Variants in EXOC4 observed in about 807,000 individuals in gnomAD.
The protein encoded by EXOC4 is exocyst complex component 4.
A neutral mutation model predicts 107.2 loss-of-function variants in EXOC4; 71 were observed. The ratio of observed to expected loss-of-function variants is 0.66; its 90% CI spans 0.55 to 0.81. The LOEUF is 0.81. Ranked by LOEUF, EXOC4 falls within the 30% of genes least tolerant of loss-of-function variation. The pLI is 0.00. For synonymous variants in EXOC4, 456 were observed against 441.2 expected, an observed-to-expected ratio of 1.03 and a Z score of -0.42; for missense variants, 1,108 against 1,189.6, an observed-to-expected ratio of 0.93 and a Z score of 1.01.
chr7:133,777,378 TCA>T (rs1275361741), intron 10 of EXOC4, among the ~76,000 whole-genome samples: 3 of 152,116 alleles, frequency 2.0e-5, no homozygotes, highest in Non-Finnish European at 4.4e-5. Context: ...GAAGAAATTA[TCA>T]GGAAACGTTG....
At chr7:133,606,972 C>T (rs1374707561) in intron 9 of EXOC4, among the ~76,000 whole-genome samples, 1 of 152,142 alleles carries the variant, frequency 6.6e-6, no homozygotes, top group Non-Finnish European at 1.5e-5. Context: ...CATTTATAGA[C>T]CCTAGGATTG....
intron 1 of EXOC4, among the ~76,000 whole-genome samples, chr7:133,266,708 T>C (rs542791614): frequency 6.6e-6 from 1 of 152,240 alleles, no homozygotes; most frequent in Non-Finnish European, 1.5e-5. Context: ...GAATTGAGTT[T>C]TAATGTTATG....
At chr7:133,681,537 T>A (rs1794186903) in intron 10 of EXOC4, among the ~76,000 whole-genome samples, 1 of 152,214 alleles carries the variant, frequency 6.6e-6, no homozygotes, top group South Asian at 2.1e-4. Context: ...TTACATTCAA[T>A]GTTGTTAGTA....
At chr7:133,708,861 C>T (rs1021439295) in intron 10 of EXOC4, among the ~76,000 whole-genome samples, 2 of 152,194 alleles carry the variant, frequency 1.3e-5, no homozygotes, top group Admixed American at 6.5e-5. Flanking sequence ...GTTGGTCTGA[C>T]CCCATGGATC....
intron 7 of EXOC4, among the ~76,000 whole-genome samples, chr7:133,438,828 T>G (rs1798035683): frequency 6.6e-6 from 1 of 152,232 alleles, no homozygotes; most frequent in East Asian, 1.9e-4. Context: ...TTCCTGATCT[T>G]GCAGTGCTTA....
In EXOC4 at chr7:133,372,509, C is replaced by T. The variant is rs182564729; in HGVS notation, c.1008-2319C>T. ...GCTATTTCCAAGATGTTAATAGATA[C>T]TGTGAATCTCATCTTACACCTCTAT... On this transcript the variant is annotated intron_variant, in intron 6 of 17. Transcript: ENST00000253861. Among the ~76,000 whole-genome samples, 18 of 152,178 alleles carry T rather than the reference C, an allele frequency of 1.2e-4. No homozygotes were observed. The East Asian group carries it at 3.5e-3, about 29-fold the overall frequency.
chr7:133,681,381 A>AT (rs1794183456), intron 10 of EXOC4, among the ~76,000 whole-genome samples: 1 of 5,656 alleles, frequency 1.8e-4, no homozygotes, highest in Non-Finnish European at 1.9e-3. Context: ...CTTCAAGGGC[A>AT]ATTTTTTTTT....
At chr7:134,047,567 C>T (rs1795686272) in intron 17 of EXOC4, among the ~76,000 whole-genome samples, 1 of 152,104 alleles carries the variant, frequency 6.6e-6, no homozygotes, top group African/African-American at 2.4e-5. Flanking sequence ...AATGTAAACT[C>T]CTGCTATGTA....
chr7:133,772,006 A>G (rs1176656985), intron 10 of EXOC4, among the ~76,000 whole-genome samples: 1 of 151,986 alleles, frequency 6.6e-6, no homozygotes, highest in Non-Finnish European at 1.5e-5. Context: ...AGTTAATTAG[A>G]TACTGTCTGC....
At chr7:133,458,863 A>T (rs1040016277) in intron 7 of EXOC4, among the ~76,000 whole-genome samples, 2 of 46,166 alleles carry the variant, frequency 4.3e-5, no homozygotes, top group African/African-American at 7.5e-5. Flanking sequence ...CCTCCCTCCC[A>T]CCCCCACACC....
intron 9 of EXOC4, among the ~76,000 whole-genome samples, chr7:133,586,455 A>G (rs958452021): frequency 4.6e-5 from 7 of 152,020 alleles, no homozygotes; most frequent in African/African-American, 1.7e-4. Flanking sequence ...TTTTATTTTT[A>G]ATGGCTGCAT....
chr7:133,626,379 C>CA (rs1802456395), intron 9 of EXOC4, among the ~76,000 whole-genome samples: 1 of 152,094 alleles, frequency 6.6e-6, no homozygotes, highest in Non-Finnish European at 1.5e-5. Flanking sequence ...TTGTTTCTGA[C>CA]AGCTTGATTT....
intron 12 of EXOC4, among the ~76,000 whole-genome samples, chr7:133,897,009 G>T (rs1156308730): frequency 1.3e-5 from 2 of 149,246 alleles, no homozygotes; most frequent in East Asian, 3.9e-4. Context: ...AGTTTGACTG[G>T]AACAGAGTTC....
At chr7:133,938,534 A>G (rs148471320) in intron 14 of EXOC4, among the ~76,000 whole-genome samples, 20 of 152,334 alleles carry the variant, frequency 1.3e-4, no homozygotes, top group African/African-American at 4.8e-4. Context: ...AATAGAGTCA[A>G]TGAAGACAAC....
intron 1 of EXOC4, among the ~76,000 whole-genome samples, chr7:133,270,348 T>A (rs1562995875): frequency 6.6e-6 from 1 of 152,162 alleles, no homozygotes; most frequent in Non-Finnish European, 1.5e-5. Context: ...ATAAATTAAT[T>A]ATTATGTGTA....
chr7:133,694,259 C>CAAA (rs10591090), intron 10 of EXOC4, among the ~76,000 whole-genome samples: 1 of 120,180 alleles, frequency 8.3e-6, no homozygotes, highest in Admixed American at 8.2e-5. Flanking sequence ...GATTCCTTCT[C>CAAA]AAAAAAAAAA....
chr7:133,671,745 G>A (rs1038200698), intron 10 of EXOC4, among the ~76,000 whole-genome samples: 1 of 152,110 alleles, frequency 6.6e-6, no homozygotes, highest in African/African-American at 2.4e-5. Context: ...ATTTGCCAGT[G>A]GGTTTAATGT....
intron 7 of EXOC4, among the ~76,000 whole-genome samples, chr7:133,395,768 C>G (rs1243596660): frequency 6.6e-6 from 1 of 152,018 alleles, no homozygotes; most frequent in Non-Finnish European, 1.5e-5. Context: ...CAGTGAATCA[C>G]TTGGGATTTG....
chr7:133,909,520 C>G (rs545448671), intron 12 of EXOC4, among the ~76,000 whole-genome samples: 1 of 152,194 alleles, frequency 6.6e-6, no homozygotes, highest in South Asian at 2.1e-4. Context: ...TGGGAACTAG[C>G]TTGAATTCAG....
Sources: gnomAD v4.1 joint callset for allele counts (sites outside exome capture counted in the v4.1 genomes callset) on GRCh38, gnomAD v4.1.1 for gene constraint, MANE v1.5 for transcripts, NCBI Gene and HGNC (gene_info 2026-07-23, HGNC 2026-07-21) for gene names.